CDH4: variants seen among roughly 807,000 people sequenced by gnomAD.
CDH4 encodes cadherin-4.
A neutral mutation model predicts 86.0 loss-of-function variants in CDH4; 33 were observed. The observed-to-expected ratio is 0.38, with a 90% CI of 0.29 to 0.51. CDH4 has a LOEUF of 0.51. CDH4 is among the 20% of genes least tolerant of loss of function. The pLI is 0.86. For synonymous variants in CDH4, 555 were observed against 549.4 expected, an observed-to-expected ratio of 1.01 and a Z score of -0.14; for missense variants, 1,114 against 1,307.4, an observed-to-expected ratio of 0.85 and a Z score of 2.28.
intron 3 of CDH4, chr20:61,755,050 A>T (rs1309151458): frequency 6.6e-6 from 1 of 152,224 alleles, no homozygotes; most frequent in Admixed American, 6.5e-5. Context: ...CGTTTCTTAC[A>T]TTACAGCAGC....
intron 2 of CDH4, among the ~76,000 whole-genome samples, chr20:61,484,148 C>T (rs551743156): frequency 6.6e-6 from 1 of 152,260 alleles, no homozygotes; most frequent in African/African-American, 2.4e-5. Context: ...GCAGCATCAC[C>T]TGCCTAGACC....
intron 2 of CDH4, among the ~76,000 whole-genome samples, chr20:61,411,254 TACC>T (rs1490943790): frequency 6.6e-6 from 1 of 150,696 alleles, no homozygotes; most frequent in African/African-American, 2.4e-5. Context: ...CACCACCCTG[TACC>T]ACCATGGAAA....
chr20:61,503,714 A>C (rs111685114), intron 2 of CDH4, among the ~76,000 whole-genome samples: 4,666 of 152,348 alleles, frequency 0.031, 119 homozygotes, highest in Non-Finnish European at 0.047. Flanking sequence ...CATTGGGATA[A>C]TTCTTATTTA....
At chr20:61,806,552 C>T (rs376516981) in intron 4 of CDH4, among the ~76,000 whole-genome samples, 9 of 132,172 alleles carry the variant, frequency 6.8e-5, no homozygotes, top group Admixed American at 2.2e-4. Context: ...TCCACGCGCA[C>T]GCACACACAT....
At chr20:61,420,022 C>T (rs1261286370) in intron 2 of CDH4, among the ~76,000 whole-genome samples, 1 of 152,252 alleles carries the variant, frequency 6.6e-6, no homozygotes, top group Non-Finnish European at 1.5e-5. Flanking sequence ...CCAGCCACAG[C>T]CCTCTTAGTG....
chr20:61,857,700 T>C (rs1210745298), intron 6 of CDH4, among the ~76,000 whole-genome samples: 1 of 152,268 alleles, frequency 6.6e-6, no homozygotes, highest in African/African-American at 2.4e-5. Context: ...TTTGAGATAA[T>C]TGTAGAGTCA....
chr20:61,607,667 G>C (rs937862049), intron 2 of CDH4, among the ~76,000 whole-genome samples: 2 of 152,150 alleles, frequency 1.3e-5, no homozygotes, highest in African/African-American at 4.8e-5. Context: ...ATCAAGCCAG[G>C]GCCAAAGACC....
chr20:61,366,008 G>A (rs28535181), intron 2 of CDH4, among the ~76,000 whole-genome samples: 26,748 of 152,188 alleles, frequency 0.18, 3,027 homozygotes, highest in East Asian at 0.36. Context: ...AGACAGGCAT[G>A]CAGCACCAGA....
At chr20:61,923,060 C>T (rs1182175512) in intron 9 of CDH4, among the ~76,000 whole-genome samples, 3 of 152,236 alleles carry the variant, frequency 2.0e-5, no homozygotes, top group Non-Finnish European at 2.9e-5. Flanking sequence ...GGTGAGGCCC[C>T]GCTGGCCAAC....
At chr20:61,930,393 C>CGG (rs1555861694) in intron 13 of CDH4, among the ~76,000 whole-genome samples, 2 of 152,004 alleles carry the variant, frequency 1.3e-5, no homozygotes, top group African/African-American at 4.8e-5. Flanking sequence ...TGAGGGCTGG[C>CGG]GGGGGGGCGG....
At chr20:61,342,221 G>T (rs781627617) in intron 2 of CDH4, among the ~76,000 whole-genome samples, 1 of 152,242 alleles carries the variant, frequency 6.6e-6, no homozygotes, top group Non-Finnish European at 1.5e-5. Flanking sequence ...CCACAGATCA[G>T]GGGTAGGGAA....
intron 2 of CDH4, among the ~76,000 whole-genome samples, chr20:61,706,803 C>T (rs2087835969): frequency 6.6e-6 from 1 of 152,182 alleles, no homozygotes; most frequent in Non-Finnish European, 1.5e-5. Flanking sequence ...GGTGAGGTTC[C>T]AACCGGAATG....
At chr20:61,383,404 GA>G (rs1320042673) in intron 2 of CDH4, among the ~76,000 whole-genome samples, 1 of 61,206 alleles carries the variant, frequency 1.6e-5, no homozygotes, top group Non-Finnish European at 2.5e-5. Flanking sequence ...TGATATATAT[GA>G]ATATATATGA....
intron 2 of CDH4, among the ~76,000 whole-genome samples, chr20:61,412,076 T>C (rs916548647): frequency 1.3e-5 from 2 of 152,240 alleles, no homozygotes; most frequent in Admixed American, 6.5e-5. Flanking sequence ...GTCACTGATA[T>C]GACCAACCCT....
At chr20:61,762,162 C>T (rs959908977) in intron 3 of CDH4, among the ~76,000 whole-genome samples, 1 of 152,226 alleles carries the variant, frequency 6.6e-6, no homozygotes, top group Non-Finnish European at 1.5e-5. Context: ...AAGACCGTTT[C>T]GTAGGCACTC....
intron 2 of CDH4, among the ~76,000 whole-genome samples, chr20:61,451,600 C>T (rs1013368845): frequency 3.9e-5 from 6 of 152,048 alleles, no homozygotes; most frequent in South Asian, 4.2e-4. Context: ...GGAAGATCGC[C>T]GGAGCCCTGA....
chr20:61,879,603 G>T lies in CDH4; in HGVS notation c.1050+5703G>T, dbSNP rs1038016733. 6.6e-6 allele frequency among the ~76,000 whole-genome samples: 1 copy of T among 152,156 alleles called. No homozygotes were observed. ...GGAGAGGCTTCGATAAGACCTGAGC[G>T]GTTCAAGTGTCTCTCGTGTACCAGC... On this transcript the variant is annotated intron_variant, in intron 7 of 15. Transcript: ENST00000614565. The surrounding 1 kb of genome is among the most constrained non-coding windows in gnomAD (Gnocchi z 4.1).
intron 4 of CDH4, among the ~76,000 whole-genome samples, chr20:61,813,502 G>A (rs1980546616): frequency 6.6e-6 from 1 of 152,202 alleles, no homozygotes; most frequent in African/African-American, 2.4e-5. Flanking sequence ...CTTGCCCACG[G>A]TGTCACAGCT....
At chr20:61,797,428 A>T (rs1343923497) in intron 4 of CDH4, among the ~76,000 whole-genome samples, 1 of 152,206 alleles carries the variant, frequency 6.6e-6, no homozygotes, top group Non-Finnish European at 1.5e-5. Flanking sequence ...CCCAAAATCA[A>T]GCAGTCCTGG....
Sources: gnomAD v4.1 joint callset for allele counts (sites outside exome capture counted in the v4.1 genomes callset) on GRCh38, gnomAD v4.1.1 for gene constraint, Gnocchi (gnomAD v3.1) non-coding constraint, MANE v1.5 for transcripts, NCBI Gene and HGNC (gene_info 2026-07-23, HGNC 2026-07-21) for gene names.